FMN2: variants seen among roughly 807,000 people sequenced by gnomAD.
FMN2 encodes the protein formin 2.
FMN2 carries 51 observed loss-of-function variants against 142.3 expected under a neutral mutation model. That is an observed-to-expected ratio of 0.36 (90% CI 0.29 to 0.45). The LOEUF is 0.45. Ranked by LOEUF, FMN2 falls within the 20% of genes least tolerant of loss-of-function variation. FMN2 has a pLI of 1.00. For missense variants in FMN2, 1,936 were observed against 2,122.8 expected, an observed-to-expected ratio of 0.91 and a Z score of 1.73; for synonymous variants, 882 against 869.8, an observed-to-expected ratio of 1.01 and a Z score of -0.25.
At chr1:240,113,557 CAAAAAAAAAAA>C (rs34741987) in intron 1 of FMN2, among the ~76,000 whole-genome samples, 2 of 88,498 alleles carry the variant, frequency 2.3e-5, no homozygotes, top group Admixed American at 1.5e-4. Context: ...GACTCCGTCT[CAAAAAAAAAAA>C]AAAAAAAAAA....
At chr1:240,182,899 C>T (rs866783127) in intron 3 of FMN2, among the ~76,000 whole-genome samples, 1 of 150,440 alleles carries the variant, frequency 6.6e-6, no homozygotes, top group African/African-American at 2.5e-5. Context: ...AATGTCAATA[C>T]AACTCATTTC....
intron 2 of FMN2, chr1:240,143,486 C>T: frequency 1.9e-6 from 3 of 1,550,752 alleles, no homozygotes; most frequent in Non-Finnish European, 2.7e-6. Context: ...TCCTTCTTTT[C>T]CTTCTTGCCT....
intron 15 of FMN2, among the ~76,000 whole-genome samples, chr1:240,395,900 G>T (rs1558469858): frequency 3.3e-5 from 5 of 152,156 alleles, no homozygotes; most frequent in Admixed American, 2.6e-4. Flanking sequence ...TTTGAAAGAA[G>T]CTCTACTGTG....
At chr1:240,228,084 A>G (rs1201294229) in intron 6 of FMN2, among the ~76,000 whole-genome samples, 2 of 151,880 alleles carry the variant, frequency 1.3e-5, no homozygotes, top group Admixed American at 6.6e-5. Context: ...CGGGTGGATC[A>G]CCTGAGGTCG....
chr1:240,400,641 C>T (rs928492374), intron 15 of FMN2: 7 of 152,190 alleles, frequency 4.6e-5, no homozygotes, highest in African/African-American at 1.7e-4. Flanking sequence ...TCCTTCCCAG[C>T]TTTGAGGCCT....
chr1:240,220,873 C>T (rs146532466), intron 6 of FMN2, among the ~76,000 whole-genome samples: 1 of 152,208 alleles, frequency 6.6e-6, no homozygotes, highest in East Asian at 1.9e-4. Context: ...TCCAGCCCCC[C>T]CACCCCACGA....
intron 13 of FMN2, among the ~76,000 whole-genome samples, chr1:240,347,871 T>C (rs1452711736): frequency 6.6e-6 from 1 of 152,182 alleles, no homozygotes; most frequent in Non-Finnish European, 1.5e-5. Context: ...AGGACATGAT[T>C]TTGTTCTGTT....
At chr1:240,223,465 C>T (rs1055857421) in intron 6 of FMN2, among the ~76,000 whole-genome samples, 16 of 152,050 alleles carry the variant, frequency 1.1e-4, no homozygotes, top group African/African-American at 3.6e-4. Flanking sequence ...TTTGTCTCTG[C>T]CAGGTTTTGG....
chr1:240,171,153 C>T lies in FMN2; in HGVS notation c.1783-6768C>T, dbSNP rs1664687246. 3.8e-6 allele frequency: 4 copies of T among 1,039,066 alleles called. No individual in the cohort carries two copies. The South Asian group carries it at 5.1e-5, about 13-fold the overall frequency. 64.4% of individuals were successfully genotyped at this position (1,039,066 alleles called of 1,614,324 possible). A position where few individuals can be genotyped will look rare whatever the true frequency, so the allele number is the denominator to read the frequency against. On this transcript the variant is annotated intron_variant, in intron 2 of 17. Transcript: ENST00000319653. ...GAGGGTGAAAGAGTGTAGAAAGTGT[C>T]CCAAAGTTGGTATCTGAATATGTGT...
chr1:240,288,078 A>G (rs986689), intron 7 of FMN2, among the ~76,000 whole-genome samples: 45,502 of 152,092 alleles, frequency 0.3, 7,300 homozygotes, highest in Admixed American at 0.47. Context: ...GGCAGAGTTG[A>G]TTTTCAGGAA....
chr1:240,473,833 G>A lies in FMN2; in HGVS notation c.5143-295G>A, dbSNP rs1676887855. 6.6e-6 allele frequency among the ~76,000 whole-genome samples: 1 copy of A among 152,102 alleles called. No homozygotes were observed. The highest frequency in any genetic ancestry group is 1.5e-5 in the Non-Finnish European group (1 of 67,996). ...CTTCAGTTTTCATATTTATGTATTT[G>A]CATGTAGGATTGAGGATGAGAATGG... On this transcript the variant is annotated intron_variant, in intron 17 of 17. Transcript: ENST00000319653. This position sits in a 1 kb window ranked among gnomAD's most constrained non-coding sequence, Gnocchi z 4.3.
At chr1:240,361,938 C>T (rs757061497) in intron 14 of FMN2, among the ~76,000 whole-genome samples, 2 of 152,148 alleles carry the variant, frequency 1.3e-5, no homozygotes, top group African/African-American at 2.4e-5. Context: ...GAATTTGTTA[C>T]GGAAGCCAGA....
chr1:240,180,227 A>C, intron 3 of FMN2: 1 of 1,220,688 alleles, frequency 8.2e-7, no homozygotes, highest in Non-Finnish European at 1.1e-6. Context: ...TTGTTGATCT[A>C]TAAACCCCAG....
intron 6 of FMN2, among the ~76,000 whole-genome samples, chr1:240,228,598 G>T (rs1428802771): frequency 2.0e-5 from 3 of 152,042 alleles, no homozygotes; most frequent in Non-Finnish European, 4.4e-5. Flanking sequence ...ATGAAAAAAG[G>T]TGCAGCCATT....
chr1:240,146,067 G>T (rs1388240524), intron 2 of FMN2, among the ~76,000 whole-genome samples: 1 of 151,798 alleles, frequency 6.6e-6, no homozygotes, highest in East Asian at 1.9e-4. Context: ...CATATGCCAC[G>T]TTCAAAGTGA....
In FMN2 at chr1:240,415,218, A is replaced by G. The variant is rs149570048; in HGVS notation, c.4910+22656A>G. Among the ~76,000 whole-genome samples, 632 of 152,336 alleles carry G rather than the reference A, an allele frequency of 4.1e-3. 5 individuals carry two copies. The highest frequency in any genetic ancestry group is 0.015 in the African/African-American group (603 of 41,576). On this transcript the variant is annotated intron_variant, in intron 15 of 17. Coordinates refer to ENST00000319653, the MANE Select transcript of FMN2 (RefSeq NM_020066.5). ...ATACTATGCAGCCATAAAAAGGATG[A>G]TTTCATGTCCTTTGCAGGGACATGG...
At chr1:240,138,485 A>G (rs1040330510) in intron 2 of FMN2, among the ~76,000 whole-genome samples, 1 of 152,074 alleles carries the variant, frequency 6.6e-6, no homozygotes, top group Non-Finnish European at 1.5e-5. Context: ...GGATCACTTA[A>G]GGTCAGGAGT....
intron 2 of FMN2, among the ~76,000 whole-genome samples, chr1:240,137,071 A>C (rs78456479): frequency 2.5e-5 from 1 of 40,160 alleles, no homozygotes; most frequent in Admixed American, 2.1e-4. Flanking sequence ...CTCCGTCTCA[A>C]AAAAAAAAAA....
intron 14 of FMN2, among the ~76,000 whole-genome samples, chr1:240,373,899 G>T (rs923987733): frequency 8.5e-5 from 13 of 152,110 alleles, no homozygotes; most frequent in Admixed American, 1.3e-4. Flanking sequence ...TCCACCAGAG[G>T]AATCAATCAC....
Sources: gnomAD v4.1 joint callset for allele counts (sites outside exome capture counted in the v4.1 genomes callset) on GRCh38, gnomAD v4.1.1 for gene constraint, Gnocchi (gnomAD v3.1) non-coding constraint, MANE v1.5 for transcripts, NCBI Gene and HGNC (gene_info 2026-07-23, HGNC 2026-07-21) for gene names.